The following GFPT1 variants were observed in gnomAD, a reference collection of about 807,000 sequenced individuals.
The protein encoded by GFPT1 is glutamine--fructose-6-phosphate transaminase 1, also known as glutamine--fructose-6-phosphate aminotransferase [isomerizing] 1.
In GFPT1, 40 loss-of-function variants were observed where a neutral mutation model predicts 92.0. The ratio of observed to expected loss-of-function variants is 0.43; its 90% CI spans 0.34 to 0.57. The LOEUF (loss-of-function observed/expected upper bound fraction) is 0.57, where lower values mean the gene tolerates loss of function less well. Among genes scored for constraint, GFPT1 ranks in the 20% least tolerant of loss-of-function variants. The pLI is 0.02. For missense variants in GFPT1, 448 were observed against 869.1 expected, an observed-to-expected ratio of 0.52 and a Z score of 6.09; for synonymous variants, 269 against 280.6, an observed-to-expected ratio of 0.96 and a Z score of 0.41.
rs1245525811 is a variant in GFPT1, at chr2:69,325,831, G to C, written c.*358C>G. 1 of 214,432 alleles carries C rather than the reference G, an allele frequency of 4.7e-6. No individual in the cohort carries two copies. Among genetic ancestry groups the C allele is most frequent in the East Asian group, 1.1e-4 (1 of 8,722 alleles). The allele number at this position is 214,432 out of a possible 1,614,324, so 13.3% of individuals were successfully genotyped here. On this transcript the variant is annotated 3_prime_UTR_variant, in exon 20 of 20. Transcript: ENST00000357308. ...AAATGCACTACTCTTTCACTGGTCT[G>C]AATGAAGTATGGTGAAACAAGTACC...
chr2:69,343,568 C>G (rs1413547994), intron 12 of GFPT1, among the ~76,000 whole-genome samples: 1 of 151,958 alleles, frequency 6.6e-6, no homozygotes, highest in Admixed American at 6.6e-5. Flanking sequence ...CGAGCCACCA[C>G]GCCCAGCTAA....
chr2:69,384,299 A>G (rs1211474561), intron 1 of GFPT1, among the ~76,000 whole-genome samples: 1 of 152,260 alleles, frequency 6.6e-6, no homozygotes, highest in Non-Finnish European at 1.5e-5. Context: ...TAACATCCCA[A>G]TACAAGCTGG....
intron 3 of GFPT1, among the ~76,000 whole-genome samples, chr2:69,368,425 C>T (rs1053161617): frequency 6.6e-6 from 1 of 151,964 alleles, no homozygotes; most frequent in Non-Finnish European, 1.5e-5. Flanking sequence ...CAGATAACTA[C>T]ACTTCAAAAA....
At chr2:69,334,272 G>A (rs1670741999) in intron 15 of GFPT1, among the ~76,000 whole-genome samples, 1 of 152,034 alleles carries the variant, frequency 6.6e-6, no homozygotes, top group Non-Finnish European at 1.5e-5. Context: ...CTTATTGTAA[G>A]TAACTAAGCC....
intron 2 of GFPT1, among the ~76,000 whole-genome samples, chr2:69,370,717 T>C (rs928941865): frequency 6.6e-6 from 1 of 152,102 alleles, no homozygotes; most frequent in Admixed American, 6.5e-5. Context: ...ACAGTGGTAA[T>C]GCAGACAGAA....
chr2:69,332,594 C>T (rs1670691783), intron 15 of GFPT1, among the ~76,000 whole-genome samples: 1 of 151,980 alleles, frequency 6.6e-6, no homozygotes. Flanking sequence ...CATGAGCCAC[C>T]ACGCCCGGCC....
chr2:69,338,119 G>A lies in GFPT1; in HGVS notation c.1325-64C>T, dbSNP rs372761787. On this transcript the variant is annotated intron_variant, in intron 14 of 19. Coordinates refer to ENST00000357308, the MANE Select transcript of GFPT1 (RefSeq NM_001244710.2). The stretch of plus-strand genomic sequence containing the variant: ...TTTTAACATATGCTGTTTCTTAGGA[G>A]CAAAAACAAATTGACCACACTTTCA... The A allele has an allele frequency of 1.2e-4, 175 of 1,431,836 alleles. No individual in the cohort carries two copies. The African/African-American group carries it at 2.1e-3, about 17-fold the overall frequency. 88.7% of individuals were successfully genotyped at this position (1,431,836 alleles called of 1,614,324 possible).
intron 12 of GFPT1, among the ~76,000 whole-genome samples, chr2:69,342,971 G>A (rs1388445840): frequency 6.6e-6 from 1 of 152,000 alleles, no homozygotes; most frequent in Non-Finnish European, 1.5e-5. Flanking sequence ...ATCTCTCCCT[G>A]GACGACAGCA....
intron 1 of GFPT1, among the ~76,000 whole-genome samples, chr2:69,377,098 C>G (rs1304698258): frequency 6.6e-6 from 1 of 150,694 alleles, no homozygotes; most frequent in Non-Finnish European, 1.5e-5. Flanking sequence ...ATCGCAGCTA[C>G]TCAGGCGGCT....
intron 2 of GFPT1, among the ~76,000 whole-genome samples, chr2:69,370,459 G>A (rs1348958945): frequency 6.6e-6 from 1 of 152,186 alleles, no homozygotes; most frequent in Non-Finnish European, 1.5e-5. Context: ...AGGTAGCTAA[G>A]GAAAGAAGGT....
At chr2:69,329,595 C>G (rs1447480003) in intron 16 of GFPT1, 89 bp downstream of exon 16, 7 of 1,016,742 alleles carry the variant, frequency 6.9e-6, no homozygotes, top group South Asian at 1.3e-5. Flanking sequence ...GACTAAATAG[C>G]TACAAGCCAC....
At position 69,319,966 on chromosome 2, in the gene GFPT1, A is replaced by T. The variant is rs1394484635; in HGVS notation, c.*6223T>A. 1.3e-5 allele frequency: 2 copies of T among 152,228 alleles called. No homozygotes were observed. The highest frequency in any genetic ancestry group is 2.9e-5 in the Non-Finnish European group (2 of 68,040). The allele number at this position is 152,228 out of a possible 1,614,324, so 9.4% of individuals were successfully genotyped here. On this transcript the variant is annotated 3_prime_UTR_variant, in exon 20 of 20. Coordinates refer to ENST00000357308, the MANE Select transcript of GFPT1 (RefSeq NM_001244710.2). ...CAGAAAGAAACTTGAAATTTAATGC[A>T]ACGTTATTTCTCTTGCCTAGAAGCT...
chr2:69,363,586 C>G lies in GFPT1; in HGVS notation c.308G>C (p.Ser103Thr). 1 of 1,613,852 alleles carries G rather than the reference C, an allele frequency of 6.2e-7. No individual in the cohort carries two copies. Among genetic ancestry groups the G allele is most frequent in the Non-Finnish European group, 8.5e-7 (1 of 1,179,730 alleles). ...GCGCTGGGGGTGGCTATTGACAGGA[C>G]TGGGTTCTCCATGTGTTGCCCAACG... ...HTRWATHGEP[S>T]PVNSHPQRSD... Residue 103 changes from serine to threonine, a missense_variant, in exon 4 of 20, where the codon AGT (serine) becomes ACT (threonine). Physicochemically the swap from Ser to Thr is moderately conservative, Grantham distance 58 (BLOSUM62 1). Coordinates refer to ENST00000357308, the MANE Select transcript of GFPT1 (RefSeq NM_001244710.2).
At chr2:69,327,144 G>T in intron 18 of GFPT1, 69 bp from the exon 19 acceptor site, 1 of 1,434,544 alleles carries the variant, frequency 7.0e-7, no homozygotes, top group Non-Finnish European at 9.8e-7. Flanking sequence ...GCTTACGAAT[G>T]TGCAAAAATT....
Position 69,356,520 on chromosome 2 carries a change from A to G in GFPT1, c.581T>C (p.Phe194Ser). 1 of 1,613,356 alleles carries G rather than the reference A, an allele frequency of 6.2e-7. No homozygotes were observed. Among genetic ancestry groups the G allele is most frequent in the Non-Finnish European group, 8.5e-7 (1 of 1,179,264 alleles). Residue 194 changes from phenylalanine to serine, a missense_variant, in exon 7 of 20, where the codon TTT becomes TCT. By Grantham distance (155) the Phe-to-Ser change is radical. Transcript: ENST00000357308. ...CCTTGTGCCAACTGCTTGCCCGGGA[A>G]AATGAACACTTTTAAACACAAGTGC... is the stretch of plus-strand genomic sequence containing the variant. Reference protein sequence around the residue: ...AFALVFKSVHFPGQAVGTRRG... With the variant: ...AFALVFKSVHSPGQAVGTRRG...
At position 69,322,777 on chromosome 2, in the gene GFPT1, G is replaced by A. The variant is rs1274600769; in HGVS notation, c.*3412C>T. The stretch of plus-strand genomic sequence containing the variant: ...AAGGACTGTTGTTAACAGATTTATG[G>A]GTCATTTGTAGCTTACTTTGCAAAT... On this transcript the variant is annotated 3_prime_UTR_variant, in exon 20 of 20. Coordinates refer to ENST00000357308, the MANE Select transcript of GFPT1 (RefSeq NM_001244710.2). The A allele has an allele frequency of 6.6e-6, 1 of 152,044 alleles. No homozygotes were observed. The highest frequency in any genetic ancestry group is 2.4e-5 in the African/African-American group (1 of 41,378). 9.4% of individuals were successfully genotyped at this position (152,044 alleles called of 1,614,324 possible).
chr2:69,377,241 A>G (rs1311945475), intron 1 of GFPT1, among the ~76,000 whole-genome samples: 1 of 150,922 alleles, frequency 6.6e-6, no homozygotes, highest in Non-Finnish European at 1.5e-5. Context: ...TAAGTAATGC[A>G]ATATTAAATT....
In GFPT1 at chr2:69,362,824, T is replaced by A. The variant is rs557196472; in HGVS notation, c.349+721A>T. On this transcript the variant is annotated intron_variant, in intron 4 of 19. Transcript: ENST00000357308. ...AAAATAATAATAAAAATAAAAAAAA[T>A]GTTTCTAAAACATATTAAAGTAACA... Among the ~76,000 whole-genome samples the A allele has an allele frequency of 4.9e-3, 740 of 151,952 alleles. 10 individuals carry two copies. Among genetic ancestry groups the A allele is most frequent in the Admixed American group, 0.012 (183 of 15,256 alleles).
At chr2:69,362,028 T>C (rs1358750764) in intron 4 of GFPT1, among the ~76,000 whole-genome samples, 2 of 152,050 alleles carry the variant, frequency 1.3e-5, no homozygotes, top group African/African-American at 4.8e-5. Flanking sequence ...ACATACACAC[T>C]TTTGTATGTA....
Sources: gnomAD v4.1 joint callset for allele counts (sites outside exome capture counted in the v4.1 genomes callset) on GRCh38, gnomAD v4.1.1 for gene constraint, MANE v1.5 for transcripts, NCBI Gene and HGNC (gene_info 2026-07-23, HGNC 2026-07-21) for gene names.